The following ANAPC16 variants were observed in gnomAD, a reference collection of about 807,000 sequenced individuals.
The protein encoded by ANAPC16 is anaphase promoting complex subunit 16, also known as anaphase-promoting complex subunit 16.
In ANAPC16, 6 loss-of-function variants were observed where a neutral mutation model predicts 13.1. That is an observed-to-expected ratio of 0.46 (90% CI 0.25 to 0.90). The LOEUF (loss-of-function observed/expected upper bound fraction) is 0.90. Among genes scored for constraint, ANAPC16 ranks in the 40% least tolerant of loss-of-function variants. The probability of loss-of-function intolerance (pLI) is 0.18; values close to 1 mark genes in which losing one functional copy is unlikely to be tolerated. For synonymous variants in ANAPC16, 55 were observed against 51.3 expected, an observed-to-expected ratio of 1.07 and a Z score of -0.31; for missense variants, 113 against 131.1, an observed-to-expected ratio of 0.86 and a Z score of 0.67.
intron 1 of ANAPC16, among the ~76,000 whole-genome samples, chr10:72,218,684 C>G (rs1331894207): frequency 6.6e-6 from 1 of 152,110 alleles, no homozygotes; most frequent in Non-Finnish European, 1.5e-5. Context: ...TAATTCCTGC[C>G]CTGAGAGCAG....
intron 1 of ANAPC16, among the ~76,000 whole-genome samples, chr10:72,219,128 A>C (rs1363743759): frequency 6.6e-6 from 1 of 152,220 alleles, no homozygotes; most frequent in Non-Finnish European, 1.5e-5. Context: ...TAGGTGAGAT[A>C]TATAAACAGT....
chr10:72,221,125 A>G (rs1338419313), intron 1 of ANAPC16, among the ~76,000 whole-genome samples: 1 of 152,152 alleles, frequency 6.6e-6, no homozygotes, highest in African/African-American at 2.4e-5. Context: ...CATGTTTACC[A>G]GGCTAGTCTT....
At chr10:72,216,834 G>A (rs763244623) in intron 1 of ANAPC16, 3 of 456,134 alleles carry the variant, frequency 6.6e-6, no homozygotes, top group South Asian at 3.1e-5. Flanking sequence ...ACAGGGCCAA[G>A]TCCCAGGATA....
intron 3 of ANAPC16, among the ~76,000 whole-genome samples, chr10:72,232,079 G>A (rs1424293728): frequency 6.7e-6 from 1 of 150,214 alleles, no homozygotes; most frequent in East Asian, 2.0e-4. Context: ...CCAGCTACTC[G>A]GGAGGCTGAG....
intron 3 of ANAPC16, among the ~76,000 whole-genome samples, chr10:72,231,088 C>G (rs1860284836): frequency 6.6e-6 from 1 of 152,180 alleles, no homozygotes; most frequent in South Asian, 2.1e-4. Flanking sequence ...TAGGCCTCAC[C>G]AGGCCTTCAT....
intron 1 of ANAPC16, chr10:72,217,180 A>G (rs1859499042): frequency 2.5e-6 from 1 of 401,150 alleles, no homozygotes; most frequent in South Asian, 1.8e-5. Flanking sequence ...TTGAACCTTA[A>G]AATGAAAGTG....
intron 2 of ANAPC16, among the ~76,000 whole-genome samples, chr10:72,224,893 A>T (rs1186034334): frequency 1.3e-5 from 2 of 152,206 alleles, no homozygotes; most frequent in African/African-American, 4.8e-5. Flanking sequence ...GCATCAAATC[A>T]TTCACCATCT....
At chr10:72,221,766 T>C (rs1006181983) in intron 1 of ANAPC16, among the ~76,000 whole-genome samples, 3 of 147,186 alleles carry the variant, frequency 2.0e-5, no homozygotes, top group African/African-American at 7.6e-5. Context: ...GTCTCACTCT[T>C]TTGCCCAGGC....
intron 1 of ANAPC16, 50 bp downstream of exon 1, chr10:72,216,188 T>C (rs1859264711): frequency 6.5e-6 from 1 of 152,774 alleles, no homozygotes; most frequent in South Asian, 2.0e-4. Context: ...GAAAAGGGAG[T>C]TAACCCCCAG....
intron 3 of ANAPC16, among the ~76,000 whole-genome samples, chr10:72,231,061 C>T (rs1295916381): frequency 4.6e-5 from 7 of 152,164 alleles, no homozygotes; most frequent in Non-Finnish European, 8.8e-5. Context: ...ATCCTGATAA[C>T]ACTTTTTCTG....
intron 3 of ANAPC16, 91 bp downstream of exon 3, chr10:72,230,531 G>A: frequency 9.2e-7 from 1 of 1,082,820 alleles, no homozygotes; most frequent in African/African-American, 1.6e-5. Context: ...ACTCAGCAAG[G>A]CTATTTTAGT....
rs555897882 is a variant in ANAPC16 at position 72,228,912 on chromosome 10, CTT to C, written c.143-1452_143-1451del. 2.2e-3 allele frequency among the ~76,000 whole-genome samples: 340 copies of C among 152,302 alleles called. 2 individuals are homozygous for C. Among genetic ancestry groups the C allele is most frequent in the African/African-American group, 7.8e-3 (326 of 41,572 alleles). On this transcript the variant is annotated intron_variant, in intron 2 of 3. Coordinates refer to ENST00000299381, the MANE Select transcript of ANAPC16 (RefSeq NM_173473.4). ...GATTAAATGCAAGTGAGAGGTGGCACTTTCAGGAGCTTCCATATACATCTTGG... is the reference window on the plus strand; with the variant it reads ...GATTAAATGCAAGTGAGAGGTGGCACTCAGGAGCTTCCATATACATCTTGG...
At chr10:72,223,236 T>C (rs1860010199) in intron 1 of ANAPC16, 1 of 151,976 alleles carries the variant, frequency 6.6e-6, no homozygotes, top group Non-Finnish European at 1.5e-5. Context: ...CTAAATTTTT[T>C]TGTATTTTTA....
Position 72,223,997 on chromosome 10 carries a change from T to A in ANAPC16, c.83T>A (p.Leu28His), listed in dbSNP as rs2133674042. The change falls in exon 2 of 4, where the codon CTT (leucine) becomes CAT (histidine). Residue 28 changes from leucine to histidine, a missense_variant. Coordinates refer to ENST00000299381, the MANE Select transcript of ANAPC16 (RefSeq NM_173473.4). ...VTGSGFSVSDLAPPRKALFTY... is the reference protein window; with the variant it reads ...VTGSGFSVSDHAPPRKALFTY... ...GGATCTGGTTTCAGTGTCTCAGACCTTGCCCCACCACGGAAAGCCCTTTTC... is the reference window on the plus strand; with the variant it reads ...GGATCTGGTTTCAGTGTCTCAGACCATGCCCCACCACGGAAAGCCCTTTTC... The A allele has an allele frequency of 6.2e-7, 1 of 1,612,184 alleles. No individual in the cohort carries two copies. The highest frequency in any genetic ancestry group is 1.1e-5 in the South Asian group (1 of 90,970).
chr10:72,216,773 A>C (rs1284287847), intron 1 of ANAPC16: 1 of 455,640 alleles, frequency 2.2e-6, no homozygotes, highest in Non-Finnish European at 4.4e-6. Flanking sequence ...GTGTCCACAA[A>C]GCATCGTTAC....
At position 72,232,989 on chromosome 10, in the gene ANAPC16, G is replaced by A. The variant is rs1170528824; in HGVS notation, c.218-12G>A. 1.9e-6 allele frequency: 3 copies of A among 1,609,510 alleles called. No homozygotes were observed. Among genetic ancestry groups the A allele is most frequent in the African/African-American group, 2.7e-5 (2 of 74,798 alleles). On this transcript the variant is annotated splice_polypyrimidine_tract_variant and intron_variant, in intron 3 of 3. Coordinates refer to ENST00000299381, the MANE Select transcript of ANAPC16 (RefSeq NM_173473.4). ...CGTTGTTGCATAATATTCTTTCCTT[G>A]ACTCCTTACAGATCAGCAAGTTGCT...
chr10:72,223,835 T>G (rs1860030212), intron 1 of ANAPC16, 53 bp from the exon 2 acceptor site: 3 of 1,340,788 alleles, frequency 2.2e-6, no homozygotes, highest in East Asian at 5.0e-5. Flanking sequence ...GAATGAAATG[T>G]TGTCACTCTC....
At chr10:72,222,736 C>T (rs904190665) in intron 1 of ANAPC16, among the ~76,000 whole-genome samples, 2 of 152,232 alleles carry the variant, frequency 1.3e-5, no homozygotes, top group Non-Finnish European at 2.9e-5. Flanking sequence ...GATATCATGC[C>T]ACTGCACTCT....
intron 1 of ANAPC16, 125 bp from the exon 2 acceptor site, chr10:72,223,759 TAGAG>T (rs146378629): frequency 0.025 from 16,187 of 654,328 alleles, 269 homozygotes; most frequent in Non-Finnish European, 0.031. Flanking sequence ...ATTGTGAAAG[TAGAG>T]AGCATAGAAA....
Sources: gnomAD v4.1 joint callset for allele counts (sites outside exome capture counted in the v4.1 genomes callset) on GRCh38, gnomAD v4.1.1 for gene constraint, MANE v1.5 for transcripts, NCBI Gene and HGNC (gene_info 2026-07-23, HGNC 2026-07-21) for gene names.